CCDC187: variants seen among roughly 807,000 people sequenced by gnomAD.
CCDC187 encodes the protein coiled-coil domain containing 187.
Under a neutral mutation model 38.0 loss-of-function variants are expected in CCDC187, and 32 were observed. That is an observed-to-expected ratio of 0.84 (90% CI 0.64 to 1.13). CCDC187 has a LOEUF of 1.13. Among genes scored for constraint, CCDC187 ranks in the 50% most tolerant of loss-of-function variants. The pLI is 0.00. For synonymous variants in CCDC187, 333 were observed against 347.9 expected, an observed-to-expected ratio of 0.96 and a Z score of 0.48; for missense variants, 707 against 786.8, an observed-to-expected ratio of 0.90 and a Z score of 1.21.
chr9:136,272,595 C>T (rs371747599), intron 14 of CCDC187, among the ~76,000 whole-genome samples: 9 of 151,900 alleles, frequency 5.9e-5, no homozygotes, highest in African/African-American at 1.4e-4. Context: ...CCCAGCTACT[C>T]AGGAGGCTGA....
At chr9:136,293,852 ACATT>A (rs1202836409) in intron 4 of CCDC187, among the ~76,000 whole-genome samples, 3 of 77,040 alleles carry the variant, frequency 3.9e-5, no homozygotes, top group South Asian at 3.7e-4. Context: ...GTTCTCACAC[ACATT>A]CAGTCTCATA....
In CCDC187 at chr9:136,264,474, C is replaced by T. The variant is rs1378783161; in HGVS notation, c.3736-676G>A. On this transcript the variant is annotated intron_variant, in intron 17 of 25. Coordinates refer to ENST00000638797, the MANE Select transcript of CCDC187 (RefSeq NM_001378188.1). The surrounding 1 kb of genome is among the most constrained non-coding windows in gnomAD (Gnocchi z 4.3). ...GTCGTTGCCATGTGACATGCAGACC[C>T]CTTCTAAGCCCCTTTTGTTTCCCCG... is the stretch of plus-strand genomic sequence containing the variant. Among the ~76,000 whole-genome samples, 1 of 152,180 alleles carries T rather than the reference C, an allele frequency of 6.6e-6. No homozygotes were observed. The highest frequency in any genetic ancestry group is 1.9e-4 in the East Asian group (1 of 5,194).
At chr9:136,279,928 C>CGCCCTCTCCCCCTCTT (rs1269068398) in intron 10 of CCDC187, among the ~76,000 whole-genome samples, 2 of 152,228 alleles carry the variant, frequency 1.3e-5, no homozygotes, top group Admixed American at 1.3e-4. Flanking sequence ...CTCTCCTTCT[C>CGCCCTCTCCCCCTCTT]GCCCTCCTGC....
Position 136,286,297 on chromosome 9 carries a change from G to T in CCDC187, c.2621C>A (p.Thr874Lys). Residue 874 changes from threonine to lysine, a missense_variant, in exon 8 of 26, where the codon ACG becomes AAG. Coordinates refer to ENST00000638797, the MANE Select transcript of CCDC187 (RefSeq NM_001378188.1). ...SCPHSLPAAP[T>K]LATPTLATPA... Reference sequence around the variant, plus strand: ...GGTGGCAAGCGTGGGGGTGGCGAGCGTGGGGGCGGCAGGTAGGCTGTGGGG... The same window carrying T: ...GGTGGCAAGCGTGGGGGTGGCGAGCTTGGGGGCGGCAGGTAGGCTGTGGGG... 2.5e-6 allele frequency: 1 copy of T among 398,624 alleles called. No homozygotes were observed. Among genetic ancestry groups the T allele is most frequent in the Non-Finnish European group, 4.4e-6 (1 of 226,052 alleles). 24.7% of individuals were successfully genotyped at this position (398,624 alleles called of 1,614,324 possible).
chr9:136,267,613 G>C, intron 15 of CCDC187, 102 bp from the exon 16 acceptor site: 2 of 985,548 alleles, frequency 2.0e-6, no homozygotes, highest in African/African-American at 1.7e-5. Context: ...CTAGCTTCTA[G>C]ACCGCTCCCA....
intron 19 of CCDC187, among the ~76,000 whole-genome samples, chr9:136,261,755 C>T (rs1392970985): frequency 1.3e-5 from 2 of 152,226 alleles, no homozygotes; most frequent in African/African-American, 2.4e-5. Flanking sequence ...CCAAAGGCTG[C>T]TCCCCCGGGT....
intron 14 of CCDC187, among the ~76,000 whole-genome samples, chr9:136,270,056 A>G (rs986952019): frequency 6.6e-6 from 1 of 152,266 alleles, no homozygotes; most frequent in East Asian, 1.9e-4. Flanking sequence ...ACAGAGAAGA[A>G]AAAAGAATAA....
Position 136,263,707 on chromosome 9 carries a change from G to A in CCDC187, c.3827C>T (p.Pro1276Leu), listed in dbSNP as rs551071986. 24 of 985,482 alleles carry A rather than the reference G, an allele frequency of 2.4e-5. No individual in the cohort carries two copies. The South Asian group carries it at 4.2e-4, about 17-fold the overall frequency. The allele number at this position is 985,482 out of a possible 1,614,324, so 61.0% of individuals were successfully genotyped here. The change falls in exon 18 of 26, where the codon CCG becomes CTG. Residue 1276 changes from proline (P) to leucine (L), a missense_variant. Transcript: ENST00000638797. ...LQHQRDVVSM[P>L]GPVDILPIPG... ...GATGGGGAGGATGTCCACAGGCCCC[G>A]GCATGGAGACGACGTCCCTCTGATG... is the stretch of plus-strand genomic sequence containing the variant.
rs957720306 is a variant in CCDC187 at position 136,286,763 on chromosome 9, C to T, written c.2223-68G>A. ...GCCCCAGCAGGGCACGGAAAGCACG[C>T]GTGTTTTGCAGGTGTGAGCGTCACA... On this transcript the variant is annotated intron_variant, in intron 7 of 25. Coordinates refer to ENST00000638797, the MANE Select transcript of CCDC187 (RefSeq NM_001378188.1). 1.1e-3 allele frequency: 439 copies of T among 398,328 alleles called. 5 individuals carry two copies. In the East Asian group the frequency reaches 0.014, roughly 13 times the overall value. 24.7% of individuals were successfully genotyped at this position (398,328 alleles called of 1,614,324 possible).
intron 4 of CCDC187, among the ~76,000 whole-genome samples, chr9:136,294,604 G>A (rs1831489308): frequency 6.6e-6 from 1 of 152,180 alleles, no homozygotes; most frequent in Admixed American, 6.5e-5. Flanking sequence ...CTGAGTCAGG[G>A]ACTTCCCTAG....
Position 136,291,077 on chromosome 9 carries a change from G to A in CCDC187, c.1536C>T (p.Pro512=), listed in dbSNP as rs1214169807. Residue 512 remains proline (P), a synonymous_variant, in exon 6 of 26, where the codon CCC becomes CCT. Coordinates refer to ENST00000638797, the MANE Select transcript of CCDC187 (RefSeq NM_001378188.1). ...QRAWGAQRQG[P]SSQRPGSPPE... ...GGGGGCTCCCAGGCCTCTGGGAGGA[G>A]GGGCCCTGTCTTTGGGCCCCCCAGG... The A allele has an allele frequency of 5.0e-6, 2 of 398,550 alleles. No individual in the cohort carries two copies. Among genetic ancestry groups the A allele is most frequent in the Non-Finnish European group, 8.8e-6 (2 of 226,142 alleles). The allele number at this position is 398,550 out of a possible 1,614,324, so 24.7% of individuals were successfully genotyped here. A position where few individuals can be genotyped will look rare whatever the true frequency, so the allele number is the denominator to read the frequency against.
chr9:136,255,733 C>G lies in CCDC187; in HGVS notation c.4617G>C (p.Arg1539Ser). The G allele has an allele frequency of 1.0e-6, 1 of 985,484 alleles. No individual in the cohort carries two copies. The highest frequency in any genetic ancestry group is 1.7e-5 in the African/African-American group (1 of 57,334). The allele number at this position is 985,484 out of a possible 1,614,324, so 61.0% of individuals were successfully genotyped here. The change falls in exon 25 of 26, where the codon AGG (arginine) becomes AGC (serine). Residue 1539 changes from arginine to serine, a missense_variant and splice_region_variant. By Grantham distance (110) the Arg-to-Ser change is moderately radical. Coordinates refer to ENST00000638797, the MANE Select transcript of CCDC187 (RefSeq NM_001378188.1). Reference sequence around the variant, plus strand: ...GGACCTCCTGCTGACAGGCCTCCGTCCTGCAAGCACATTCGTGGAGAACCC... The same window carrying G: ...GGACCTCCTGCTGACAGGCCTCCGTGCTGCAAGCACATTCGTGGAGAACCC... ...ETESWRSGEQ[R>S]TEACQQEVPG...
At chr9:136,294,995 T>G (rs893326839) in intron 4 of CCDC187, among the ~76,000 whole-genome samples, 14 of 152,296 alleles carry the variant, frequency 9.2e-5, no homozygotes, top group Non-Finnish European at 1.6e-4. Context: ...TCCCCATCTG[T>G]AAAATGGGGT....
At chr9:136,305,772 A>G (rs1277377297), upstream of CCDC187, among the ~76,000 whole-genome samples, 3 of 152,224 alleles carry the variant, frequency 2.0e-5, no homozygotes, top group African/African-American at 4.8e-5. Flanking sequence ...GGGAACGGAA[A>G]AGCAAACCCA....
chr9:136,292,181 G>C lies in CCDC187; in HGVS notation c.947C>G (p.Pro316Arg). The part of the protein sequence containing the change: ...RHHSKDPSRD[P>R]ALTVDLGDSE... ...GGTACCTAAGTCCACGGTGAGAGCC[G>C]GGTCTCTCGAGGGATCCTTGCTATG... The change falls in exon 5 of 26, where the codon CCG becomes CGG. Residue 316 changes from proline (P) to arginine (R), a missense_variant. Coordinates refer to ENST00000638797, the MANE Select transcript of CCDC187 (RefSeq NM_001378188.1). 1 of 398,796 alleles carries C rather than the reference G, an allele frequency of 2.5e-6. No individual in the cohort carries two copies. The highest frequency in any genetic ancestry group is 4.4e-6 in the Non-Finnish European group (1 of 226,218). 24.7% of individuals were successfully genotyped at this position (398,796 alleles called of 1,614,324 possible).
upstream of CCDC187, among the ~76,000 whole-genome samples, chr9:136,304,954 T>C (rs1018845562): frequency 1.6e-4 from 24 of 152,126 alleles, no homozygotes; most frequent in African/African-American, 5.8e-4. Context: ...ATAGAACCTG[T>C]CCTCTGGAAC....
chr9:136,292,090 T>G (rs1831345511), intron 5 of CCDC187, 71 bp downstream of exon 5: 1 of 398,380 alleles, frequency 2.5e-6, no homozygotes, highest in Non-Finnish European at 4.4e-6. Flanking sequence ...AGCCTGGGTG[T>G]CTCCTTCTCT....
rs1588649234 is a variant in CCDC187, at chr9:136,257,350, G to GA, written c.4367-510dup. 1.3e-5 allele frequency among the ~76,000 whole-genome samples: 2 copies of GA among 151,480 alleles called. No individual in the cohort carries two copies. The highest frequency in any genetic ancestry group is 6.6e-5 in the Admixed American group (1 of 15,170). ...ATCACGCTACTGTACTCCAGCTGGG[G>GA]AGAGAGTGAGACTTTGTCTCAAAAT... is the stretch of plus-strand genomic sequence containing the variant. On this transcript the variant is annotated intron_variant, in intron 22 of 25. Transcript: ENST00000638797. The surrounding 1 kb of genome is among the most constrained non-coding windows in gnomAD (Gnocchi z 4.5).
At chr9:136,295,920 T>C (rs1831523193) in intron 4 of CCDC187, 1 of 152,294 alleles carries the variant, frequency 6.6e-6, no homozygotes, top group Non-Finnish European at 1.5e-5. Context: ...TCCGGAACCT[T>C]CTGGGTGCCC....
Sources: allele counts gnomAD v4.1 joint callset (sites outside exome capture counted in the v4.1 genomes callset), GRCh38; gene constraint gnomAD v4.1.1; non-coding constraint Gnocchi (gnomAD v3.1); transcripts MANE v1.5; gene names NCBI Gene and HGNC (gene_info 2026-07-23, HGNC 2026-07-21).